DLGAP4: variants seen among roughly 807,000 people sequenced by gnomAD.
DLGAP4 encodes DLG associated protein 4, also known as disks large-associated protein 4.
In DLGAP4, 18 loss-of-function variants were observed where a neutral mutation model predicts 86.9. That is an observed-to-expected ratio of 0.21 (90% CI 0.14 to 0.31). The LOEUF is 0.31. Ranked by LOEUF, DLGAP4 falls within the 10% of genes least tolerant of loss-of-function variation. The probability of loss-of-function intolerance (pLI) is 1.00; values close to 1 mark genes in which losing one functional copy is unlikely to be tolerated. For synonymous variants in DLGAP4, 548 were observed against 574.3 expected, an observed-to-expected ratio of 0.95 and a Z score of 0.65; for missense variants, 1,085 against 1,362.6, an observed-to-expected ratio of 0.80 and a Z score of 3.21.
chr20:36,476,902 G>A (rs1180009607), intron 7 of DLGAP4, among the ~76,000 whole-genome samples: 10 of 147,050 alleles, frequency 6.8e-5, no homozygotes, highest in East Asian at 4.1e-4. Context: ...CATTTTAGTC[G>A]GGGTGATCTC....
intron 1 of DLGAP4, among the ~76,000 whole-genome samples, chr20:36,326,102 C>G (rs1555890995): frequency 1.3e-5 from 2 of 152,058 alleles, no homozygotes; most frequent in East Asian, 3.8e-4. Flanking sequence ...CATCCTTTTA[C>G]TTTGTACCTG....
intron 1 of DLGAP4, among the ~76,000 whole-genome samples, chr20:36,356,340 C>G (rs2030326341): frequency 6.6e-6 from 1 of 152,050 alleles, no homozygotes; most frequent in South Asian, 2.1e-4. Context: ...GAGACGGAGT[C>G]TCGCTCTGTC....
intron 7 of DLGAP4, among the ~76,000 whole-genome samples, chr20:36,488,911 T>C (rs922737265): frequency 2.0e-5 from 3 of 152,228 alleles, no homozygotes; most frequent in African/African-American, 7.2e-5. Flanking sequence ...TTCATTAACA[T>C]TGAACTCATG....
At chr20:36,483,493 C>T (rs1236045575) in intron 7 of DLGAP4, among the ~76,000 whole-genome samples, 1 of 152,090 alleles carries the variant, frequency 6.6e-6, no homozygotes, top group Non-Finnish European at 1.5e-5. Context: ...TTTATGTGTA[C>T]TATGAGAGAG....
chr20:36,516,590 CG>C (rs1420308213), intron 10 of DLGAP4, among the ~76,000 whole-genome samples: 1 of 149,124 alleles, frequency 6.7e-6, no homozygotes, highest in Non-Finnish European at 1.5e-5. Context: ...CACTTGAACC[CG>C]GGAGGCAGAG....
chr20:36,323,329 TCA>T (rs1349164817), intron 1 of DLGAP4, among the ~76,000 whole-genome samples: 1 of 152,200 alleles, frequency 6.6e-6, no homozygotes, highest in East Asian at 1.9e-4. Flanking sequence ...TTTGTCTTTT[TCA>T]CACCTTCACA....
At chr20:36,375,872 A>G (rs975041077) in intron 2 of DLGAP4, among the ~76,000 whole-genome samples, 6 of 152,132 alleles carry the variant, frequency 3.9e-5, no homozygotes, top group Non-Finnish European at 7.3e-5. Flanking sequence ...CCCTTAAGGT[A>G]AAAGGGAGCC....
chr20:36,448,007 C>T (rs945861365), intron 7 of DLGAP4, among the ~76,000 whole-genome samples: 2 of 144,706 alleles, frequency 1.4e-5, no homozygotes, highest in African/African-American at 5.2e-5. Flanking sequence ...ACCACCGTGG[C>T]GCATGTATAC....
At position 36,308,650 on chromosome 20, in the gene DLGAP4, G is replaced by A. The variant is rs956065181; in HGVS notation, c.-304+2138G>A. 2.0e-5 allele frequency among the ~76,000 whole-genome samples: 3 copies of A among 152,200 alleles called. No homozygotes were observed. The highest frequency in any genetic ancestry group is 7.2e-5 in the African/African-American group (3 of 41,446). ...ATCTCATTAGGTTCTTGTGTGGTTTGTGAGCCACAGGCTTCGTAAATGCCA... is the reference window on the plus strand; with the variant it reads ...ATCTCATTAGGTTCTTGTGTGGTTTATGAGCCACAGGCTTCGTAAATGCCA... On this transcript the variant is annotated intron_variant, in intron 1 of 12. Transcript: ENST00000339266. The surrounding 1 kb of genome is among the most constrained non-coding windows in gnomAD (Gnocchi z 4.5).
chr20:36,388,313 A>G (rs562176590), intron 2 of DLGAP4, among the ~76,000 whole-genome samples: 33 of 151,460 alleles, frequency 2.2e-4, no homozygotes, highest in Middle Eastern at 6.8e-3. Flanking sequence ...AAGGCAGCCC[A>G]CTCCTTTGTG....
chr20:36,413,318 T>C (rs1315828179), intron 2 of DLGAP4, among the ~76,000 whole-genome samples: 1 of 151,154 alleles, frequency 6.6e-6, no homozygotes, highest in Non-Finnish European at 1.5e-5. Flanking sequence ...AGAGACCTTG[T>C]ACCCATTAAG....
intron 1 of DLGAP4, among the ~76,000 whole-genome samples, chr20:36,333,103 G>A (rs1555891736): frequency 6.6e-6 from 1 of 152,062 alleles, no homozygotes; most frequent in Non-Finnish European, 1.5e-5. Context: ...CTGAACATTT[G>A]TTCTGCCTGG....
chr20:36,436,859 C>T (rs1388704627), intron 4 of DLGAP4, among the ~76,000 whole-genome samples: 1 of 152,140 alleles, frequency 6.6e-6, no homozygotes, highest in Non-Finnish European at 1.5e-5. Flanking sequence ...GCCCCGCCCG[C>T]GTGGAAGCCC....
chr20:36,307,855 C>T (rs533110393), intron 1 of DLGAP4, among the ~76,000 whole-genome samples: 2 of 152,326 alleles, frequency 1.3e-5, no homozygotes, highest in Admixed American at 1.3e-4. Flanking sequence ...TGGTGGGAAT[C>T]AGTTGTACAG....
At chr20:36,479,721 A>G (rs1022754485) in intron 7 of DLGAP4, among the ~76,000 whole-genome samples, 1 of 152,048 alleles carries the variant, frequency 6.6e-6, no homozygotes, top group Non-Finnish European at 1.5e-5. Flanking sequence ...TTGACAAGGC[A>G]GAGAGGCCAG....
chr20:36,460,043 A>G (rs1192434421), intron 7 of DLGAP4, among the ~76,000 whole-genome samples: 1 of 152,250 alleles, frequency 6.6e-6, no homozygotes, highest in African/African-American at 2.4e-5. Flanking sequence ...AGAGAGGGAA[A>G]GGGACTTGTT....
intron 7 of DLGAP4, among the ~76,000 whole-genome samples, chr20:36,450,088 T>G (rs2033696061): frequency 6.6e-6 from 1 of 152,272 alleles, no homozygotes; most frequent in African/African-American, 2.4e-5. Flanking sequence ...AACATCCTAT[T>G]GGCAACACAA....
At chr20:36,521,615 C>T (rs1306355646) in intron 10 of DLGAP4, among the ~76,000 whole-genome samples, 1 of 152,120 alleles carries the variant, frequency 6.6e-6, no homozygotes, top group Non-Finnish European at 1.5e-5. Flanking sequence ...CCCTCCTCTC[C>T]CTGTAGGGCT....
At chr20:36,443,196 C>T (rs1012721368) in intron 6 of DLGAP4, among the ~76,000 whole-genome samples, 1 of 152,148 alleles carries the variant, frequency 6.6e-6, no homozygotes, top group African/African-American at 2.4e-5. Context: ...CTTTCTGGAG[C>T]GCCAGGAGGA....
Sources: allele counts gnomAD v4.1 joint callset (sites outside exome capture counted in the v4.1 genomes callset), GRCh38; gene constraint gnomAD v4.1.1; non-coding constraint Gnocchi (gnomAD v3.1); transcripts MANE v1.5; gene names NCBI Gene and HGNC (gene_info 2026-07-23, HGNC 2026-07-21).